EYS: variants seen among roughly 807,000 people sequenced by gnomAD.
The protein encoded by EYS is protein eyes shut homolog.
In EYS, 250 loss-of-function variants were observed where a neutral mutation model predicts 282.1. The ratio of observed to expected loss-of-function variants is 0.89; its 90% CI spans 0.80 to 0.98. EYS has a LOEUF of 0.98. EYS is among the 50% of genes least tolerant of loss of function. The probability of loss-of-function intolerance (pLI) is 0.00; values close to 1 mark genes in which losing one functional copy is unlikely to be tolerated. For missense variants in EYS, 4,016 were observed against 3,709.0 expected (o/e 1.08, Z -2.15); for synonymous variants, 1,355 against 1,282.9 (o/e 1.06, Z -1.20).
At chr6:65,253,361 G>A (rs1030878193) in intron 12 of EYS, among the ~76,000 whole-genome samples, 2 of 151,810 alleles carry the variant, frequency 1.3e-5, no homozygotes. Context: ...AGAATGTTGT[G>A]TTGTAGCTTC....
chr6:65,566,695 A>T (rs1017078884), intron 2 of EYS, among the ~76,000 whole-genome samples: 1 of 152,156 alleles, frequency 6.6e-6, no homozygotes, highest in African/African-American at 2.4e-5. Flanking sequence ...TAGCTCTATG[A>T]CCTTAAGAAG....
intron 12 of EYS, among the ~76,000 whole-genome samples, chr6:65,144,550 G>A (rs73439466): frequency 2.6e-5 from 4 of 152,136 alleles, no homozygotes; most frequent in East Asian, 1.9e-4. Context: ...CACAGCATTC[G>A]CAGGAAATAT....
At chr6:64,608,314 C>A (rs1305749383) in intron 24 of EYS, among the ~76,000 whole-genome samples, 2 of 151,990 alleles carry the variant, frequency 1.3e-5, no homozygotes, top group Admixed American at 6.6e-5. Flanking sequence ...AGGAGAAAAG[C>A]AGACCAGAGA....
intron 12 of EYS, among the ~76,000 whole-genome samples, chr6:65,094,147 T>G (rs1463495718): frequency 6.6e-6 from 1 of 151,178 alleles, no homozygotes; most frequent in African/African-American, 2.4e-5. Flanking sequence ...TGATAACTGG[T>G]CAATTCATCA....
chr6:64,782,368 C>T (rs1773888305), intron 22 of EYS, among the ~76,000 whole-genome samples: 1 of 151,940 alleles, frequency 6.6e-6, no homozygotes, highest in African/African-American at 2.4e-5. Context: ...TAGTCAATAC[C>T]CTATTTAGGG....
chr6:65,426,260 T>G (rs1457497659), intron 5 of EYS, among the ~76,000 whole-genome samples: 4 of 152,110 alleles, frequency 2.6e-5, no homozygotes, highest in African/African-American at 9.7e-5. Flanking sequence ...ACTTAAGGCA[T>G]AAGCCACTAC....
At chr6:65,011,505 T>C (rs1056735148) in intron 13 of EYS, among the ~76,000 whole-genome samples, 1 of 152,136 alleles carries the variant, frequency 6.6e-6, no homozygotes, top group Non-Finnish European at 1.5e-5. Flanking sequence ...CTGAAGTTAA[T>C]GACATTGAAG....
chr6:65,440,860 T>TAG (rs113140829), intron 5 of EYS, among the ~76,000 whole-genome samples: 4 of 146,768 alleles, frequency 2.7e-5, no homozygotes, highest in African/African-American at 9.9e-5. Context: ...TATATATATA[T>TAG]AGATTTATAT....
At chr6:65,139,144 C>T (rs1764251426) in intron 12 of EYS, among the ~76,000 whole-genome samples, 1 of 151,994 alleles carries the variant, frequency 6.6e-6, no homozygotes, top group African/African-American at 2.4e-5. Flanking sequence ...ATGTTCATCG[C>T]AGCACTATTC....
At chr6:64,617,767 C>T (rs1767321836) in intron 23 of EYS, among the ~76,000 whole-genome samples, 1 of 152,064 alleles carries the variant, frequency 6.6e-6, no homozygotes, top group Non-Finnish European at 1.5e-5. Flanking sequence ...CTAAAATCAC[C>T]TAGTTAAGTA....
chr6:65,151,919 T>C (rs964724658), intron 12 of EYS, among the ~76,000 whole-genome samples: 1 of 151,984 alleles, frequency 6.6e-6, no homozygotes, highest in African/African-American at 2.4e-5. Flanking sequence ...CACTATTTTA[T>C]TGATATTCTA....
chr6:64,425,435 A>C (rs1016495043), intron 28 of EYS, among the ~76,000 whole-genome samples: 1 of 152,028 alleles, frequency 6.6e-6, no homozygotes, highest in Admixed American at 6.6e-5. Flanking sequence ...CGGGAGGATC[A>C]CCCAAGGTCA....
At chr6:64,183,076 G>C (rs2150312530) in intron 31 of EYS, among the ~76,000 whole-genome samples, 1 of 152,262 alleles carries the variant, frequency 6.6e-6, no homozygotes, top group East Asian at 1.9e-4. Flanking sequence ...GTGATAGTGA[G>C]TGAGTTCTCA....
At chr6:64,634,705 T>C (rs1172808800) in intron 22 of EYS, among the ~76,000 whole-genome samples, 2 of 152,156 alleles carry the variant, frequency 1.3e-5, no homozygotes, top group Non-Finnish European at 2.9e-5. Flanking sequence ...ACCTATTTCA[T>C]ATGTCAAAAA....
chr6:65,313,502 C>A (rs1315853354), intron 11 of EYS, among the ~76,000 whole-genome samples: 3 of 150,890 alleles, frequency 2.0e-5, no homozygotes, highest in African/African-American at 4.9e-5. Context: ...GGTCTTTCTG[C>A]AGTTTTCCGT....
chr6:63,903,004 A>C (rs1346056079), intron 35 of EYS, among the ~76,000 whole-genome samples: 2 of 152,184 alleles, frequency 1.3e-5, no homozygotes, highest in Admixed American at 6.5e-5. Flanking sequence ...AGAAGGAAAG[A>C]GTGAATAGCT....
chr6:63,787,931 C>T (rs904022769), intron 39 of EYS, among the ~76,000 whole-genome samples, 174 bp downstream of exon 39: 59 of 152,046 alleles, frequency 3.9e-4, no homozygotes, highest in Non-Finnish European at 1.5e-4. Context: ...AAGAGCGAAA[C>T]TCCATCTAAA....
At chr6:65,452,307 A>C (rs9345635) in intron 5 of EYS, among the ~76,000 whole-genome samples, 28,049 of 151,740 alleles carry the variant, frequency 0.18, 3,235 homozygotes, top group Middle Eastern at 0.29. Flanking sequence ...ATTTTAAAGA[A>C]AGAAGTAAGA....
intron 32 of EYS, among the ~76,000 whole-genome samples, chr6:64,071,945 G>A (rs1771596302): frequency 6.6e-6 from 1 of 151,662 alleles, no homozygotes; most frequent in Non-Finnish European, 1.5e-5. Context: ...AGTTGGGGAA[G>A]GAAGGAAGAA....
Sources: allele counts gnomAD v4.1 joint callset (sites outside exome capture counted in the v4.1 genomes callset), GRCh38; gene constraint gnomAD v4.1.1; transcripts MANE v1.5; gene names NCBI Gene and HGNC (gene_info 2026-07-23, HGNC 2026-07-21).